TUBGCP3: variants seen among roughly 807,000 people sequenced by gnomAD.
TUBGCP3 encodes the protein gamma-tubulin complex component 3.
TUBGCP3 carries 50 observed loss-of-function variants against 123.1 expected under a neutral mutation model. That is an observed-to-expected ratio of 0.41 (90% CI 0.32 to 0.51). The LOEUF (loss-of-function observed/expected upper bound fraction) is 0.51, where lower values mean the gene tolerates loss of function less well. Ranked by LOEUF, TUBGCP3 falls within the 20% of genes least tolerant of loss-of-function variation. TUBGCP3 has a pLI of 0.36. For missense variants in TUBGCP3, 882 were observed against 1,127.0 expected, an observed-to-expected ratio of 0.78 and a Z score of 3.11; for synonymous variants, 405 against 413.9, an observed-to-expected ratio of 0.98 and a Z score of 0.26.
chr13:112,556,608 A>G (rs933970218), intron 5 of TUBGCP3, among the ~76,000 whole-genome samples: 7 of 152,206 alleles, frequency 4.6e-5, no homozygotes, highest in African/African-American at 1.4e-4. Flanking sequence ...TTCAAAATCC[A>G]CAACTCTCGT....
chr13:112,550,905 T>C (rs1419909339), intron 8 of TUBGCP3, among the ~76,000 whole-genome samples: 1 of 152,180 alleles, frequency 6.6e-6, no homozygotes, highest in Non-Finnish European at 1.5e-5. Flanking sequence ...AAGACCATCC[T>C]GGCTAACACA....
At chr13:112,498,971 G>A in intron 20 of TUBGCP3, 74 bp downstream of exon 20, 1 of 1,614,128 alleles carries the variant, frequency 6.2e-7, no homozygotes, top group African/African-American at 1.3e-5. Flanking sequence ...GTTATTTGTT[G>A]GCATTTGAGA....
intron 11 of TUBGCP3, among the ~76,000 whole-genome samples, chr13:112,534,547 AAAAAC>A (rs775724347): frequency 3.3e-5 from 5 of 152,124 alleles, no homozygotes; most frequent in Admixed American, 1.3e-4. Context: ...ACTCCGTCTC[AAAAAC>A]AAAACAAAAC....
At chr13:112,517,032 TTGAGA>T (rs1264131900) in intron 16 of TUBGCP3, among the ~76,000 whole-genome samples, 2 of 152,192 alleles carry the variant, frequency 1.3e-5, no homozygotes, top group Non-Finnish European at 2.9e-5. Context: ...TTTGTTTGTT[TTGAGA>T]TAAGAGTCTC....
At chr13:112,592,555 G>T (rs1882900376), upstream of TUBGCP3, among the ~76,000 whole-genome samples, 1 of 152,242 alleles carries the variant, frequency 6.6e-6, no homozygotes. This position sits in a 1 kb window ranked among gnomAD's most constrained non-coding sequence, Gnocchi z 4.1. Flanking sequence ...CCTAACAAAA[G>T]GTTTCTGCCA....
intron 11 of TUBGCP3, among the ~76,000 whole-genome samples, chr13:112,540,965 T>C (rs1878473244): frequency 6.6e-6 from 1 of 152,248 alleles, no homozygotes; most frequent in Non-Finnish European, 1.5e-5. Flanking sequence ...ATACATATTC[T>C]AAGCAACAAG....
Position 112,491,609 on chromosome 13 carries a change from C to T in TUBGCP3, c.2449-1912G>A, listed in dbSNP as rs73566311. On this transcript the variant is annotated intron_variant, in intron 20 of 21. Coordinates refer to ENST00000261965, the MANE Select transcript of TUBGCP3 (RefSeq NM_006322.6). Reference sequence around the variant, plus strand: ...TTCTTTATAAACTATCTACATCACTCGTTCTACACCAGAACTTCCCAATTT... The same window carrying T: ...TTCTTTATAAACTATCTACATCACTTGTTCTACACCAGAACTTCCCAATTT... Among the ~76,000 whole-genome samples, 1,413 of 150,334 alleles carry T rather than the reference C, an allele frequency of 9.4e-3. 20 individuals are homozygous for T. The highest frequency in any genetic ancestry group is 0.033 in the African/African-American group (1,342 of 40,894).
rs1434891217 is a variant in TUBGCP3, at chr13:112,524,628, C to T, written c.1556-2119G>A. Reference sequence around the variant, plus strand: ...GAACAATCTGGGGTCTATGTACCCCCCCACAAAAAAATACATGTAAAATTA... The same window carrying T: ...GAACAATCTGGGGTCTATGTACCCCTCCACAAAAAAATACATGTAAAATTA... On this transcript the variant is annotated intron_variant, in intron 13 of 21. Coordinates refer to ENST00000261965, the MANE Select transcript of TUBGCP3 (RefSeq NM_006322.6). This position sits in a 1 kb window ranked among gnomAD's most constrained non-coding sequence, Gnocchi z 4.4. Among the ~76,000 whole-genome samples the T allele has an allele frequency of 6.6e-6, 1 of 152,134 alleles. No individual in the cohort carries two copies. The highest frequency in any genetic ancestry group is 1.9e-4 in the East Asian group (1 of 5,192).
intron 3 of TUBGCP3, 95 bp from the exon 4 acceptor site, chr13:112,559,494 G>T: frequency 9.8e-7 from 1 of 1,022,578 alleles, no homozygotes; most frequent in Non-Finnish European, 1.4e-6. Context: ...AACTAGAAAT[G>T]CATTTTAAAA....
chr13:112,522,591 G>C, intron 13 of TUBGCP3, 82 bp from the exon 14 acceptor site: 2 of 1,390,136 alleles, frequency 1.4e-6, no homozygotes, highest in Non-Finnish European at 2.0e-6. Context: ...CATACATCCA[G>C]ACTCAGGGCC....
At chr13:112,497,538 T>C (rs1880605105) in intron 20 of TUBGCP3, among the ~76,000 whole-genome samples, 1 of 152,240 alleles carries the variant, frequency 6.6e-6, no homozygotes, top group African/African-American at 2.4e-5. Context: ...ATTGACTGAA[T>C]AATGTCTTTG....
intron 19 of TUBGCP3, among the ~76,000 whole-genome samples, chr13:112,503,145 C>T (rs942140389): frequency 8.5e-5 from 13 of 152,228 alleles, no homozygotes; most frequent in South Asian, 8.3e-4. Context: ...CGTGAAGTCT[C>T]GGAGTTCAGG....
At chr13:112,491,084 T>C (rs967869810) in intron 20 of TUBGCP3, among the ~76,000 whole-genome samples, 2 of 152,204 alleles carry the variant, frequency 1.3e-5, no homozygotes, top group Non-Finnish European at 2.9e-5. Flanking sequence ...TTCCCTCCAC[T>C]CCTTGGCCCC....
intron 1 of TUBGCP3, among the ~76,000 whole-genome samples, chr13:112,585,716 C>T (rs1882561734): frequency 6.6e-6 from 1 of 151,970 alleles, no homozygotes; most frequent in Admixed American, 6.6e-5. Flanking sequence ...TGCAGTGAGC[C>T]CAGATCATGC....
In TUBGCP3 at chr13:112,513,300, C is replaced by A. The variant is rs750266281; in HGVS notation, c.2086+3140G>T. Among the ~76,000 whole-genome samples, 17 of 152,184 alleles carry A rather than the reference C, an allele frequency of 1.1e-4. No homozygotes were observed. In the South Asian group the frequency reaches 1.5e-3, roughly 13 times the overall value. ...GTATTAGCCGCTGTGTTTTGTCCAG[C>A]TGACTGGCAAATACATAAAAAGCTG... is the stretch of plus-strand genomic sequence containing the variant. On this transcript the variant is annotated intron_variant, in intron 17 of 21. Transcript: ENST00000261965.
chr13:112,563,998 T>A (rs576299475), intron 3 of TUBGCP3, among the ~76,000 whole-genome samples: 1 of 152,158 alleles, frequency 6.6e-6, no homozygotes, highest in Non-Finnish European at 1.5e-5. Flanking sequence ...TGGAGAAATA[T>A]GGTATCCAAT....
intron 11 of TUBGCP3, among the ~76,000 whole-genome samples, chr13:112,528,978 A>G (rs995693435): frequency 6.6e-6 from 1 of 152,086 alleles, no homozygotes; most frequent in African/African-American, 2.4e-5. Context: ...CAGCCTCCCA[A>G]GTAACTGGGA....
In TUBGCP3 at chr13:112,556,184, G is replaced by A; in HGVS notation, c.589C>T (p.Gln197Ter). The stretch of plus-strand genomic sequence containing the variant: ...CATGCGAGTCGTGACCCCAACTGCT[G>A]TCGAAGGCAATCTCCTACTCCTGGA... ...QAPGVGDCLR[Q>*]QLGSRLAWTL... The change falls in exon 6 of 22, where the codon CAG becomes TAG. Residue 197 changes from glutamine to a stop codon, truncating the protein, a stop_gained. Transcript: ENST00000261965. LOFTEE classifies it high-confidence loss of function. 1 of 1,614,168 alleles carries A rather than the reference G, an allele frequency of 6.2e-7. No homozygotes were observed. Among genetic ancestry groups the A allele is most frequent in the Non-Finnish European group, 8.5e-7 (1 of 1,180,030 alleles).
chr13:112,559,932 C>T (rs537155714), intron 3 of TUBGCP3, among the ~76,000 whole-genome samples: 77 of 151,256 alleles, frequency 5.1e-4, no homozygotes, highest in Non-Finnish European at 9.6e-4. Context: ...GTTAGGAGTT[C>T]GAGACCAGCC....
Sources: allele counts gnomAD v4.1 joint callset (sites outside exome capture counted in the v4.1 genomes callset), GRCh38; gene constraint gnomAD v4.1.1; non-coding constraint Gnocchi (gnomAD v3.1); transcripts MANE v1.5; gene names NCBI Gene and HGNC (gene_info 2026-07-23, HGNC 2026-07-21).